SERPINA3: variants seen among roughly 807,000 people sequenced by gnomAD.
SERPINA3 encodes serpin family A member 3.
A neutral mutation model predicts 26.8 loss-of-function variants in SERPINA3; 32 were observed. The ratio of observed to expected loss-of-function variants is 1.20; its 90% CI spans 0.90 to 1.61. The LOEUF (loss-of-function observed/expected upper bound fraction) is 1.61. Among genes scored for constraint, SERPINA3 ranks in the 40% most tolerant of loss-of-function variants. SERPINA3 has a pLI of 0.00. For missense variants in SERPINA3, 632 were observed against 517.9 expected, an observed-to-expected ratio of 1.22 and a Z score of -2.14; for synonymous variants, 252 against 206.4, an observed-to-expected ratio of 1.22 and a Z score of -1.89.
At chr14:94,622,230 A>T in intron 3 of SERPINA3, 111 bp from the exon 4 acceptor site, 1 of 951,624 alleles carries the variant, frequency 1.1e-6, no homozygotes, top group South Asian at 1.3e-5. Flanking sequence ...TTATTTTCCA[A>T]TCAGAAGGGG....
chr14:94,620,400 G>A (rs370536268), intron 3 of SERPINA3, among the ~76,000 whole-genome samples: 10 of 152,308 alleles, frequency 6.6e-5, no homozygotes, highest in African/African-American at 2.2e-4. Flanking sequence ...CGGTGCAGGA[G>A]CAGAGAGAGT....
intron 4 of SERPINA3, among the ~76,000 whole-genome samples, chr14:94,622,916 C>T (rs535170516): frequency 1.3e-5 from 2 of 152,186 alleles, no homozygotes; most frequent in Non-Finnish European, 1.5e-5. Flanking sequence ...AAAATATGCT[C>T]GGAGTATGAG....
chr14:94,614,957 C>T lies in SERPINA3; in HGVS notation c.516C>T (p.Asp172=). ...GSEAFATDFQ[D]SAAAKKLIND... is the part of the protein sequence containing the mutation. Reference sequence around the variant, plus strand: ...AGGCCTTTGCCACTGACTTTCAGGACTCAGCTGCAGCTAAGAAGCTCATCA... The same window carrying T: ...AGGCCTTTGCCACTGACTTTCAGGATTCAGCTGCAGCTAAGAAGCTCATCA... The change falls in exon 2 of 5, where the codon GAC becomes GAT. Residue 172 remains aspartate (D), a synonymous_variant. Transcript: ENST00000393078. The T allele has an allele frequency of 6.2e-7, 1 of 1,613,280 alleles. No individual in the cohort carries two copies.
chr14:94,623,136 A>C (rs1330860706), intron 4 of SERPINA3, among the ~76,000 whole-genome samples: 2 of 152,132 alleles, frequency 1.3e-5, no homozygotes, highest in Admixed American at 1.3e-4. Flanking sequence ...CATGAAAAGT[A>C]CTTGAAAGCC....
chr14:94,623,473 G>A, intron 4 of SERPINA3, 138 bp from the exon 5 acceptor site: 1 of 799,456 alleles, frequency 1.3e-6, no homozygotes. Flanking sequence ...GAGTTGGGAG[G>A]AGCAAACATT....
intron 3 of SERPINA3, among the ~76,000 whole-genome samples, chr14:94,621,371 C>T (rs1004348016): frequency 2.6e-5 from 4 of 151,488 alleles, no homozygotes; most frequent in Non-Finnish European, 5.9e-5. Flanking sequence ...ACAGAGAATG[C>T]TCAATAGATA....
In SERPINA3 at chr14:94,619,491, G is replaced by T. The variant is rs768181018; in HGVS notation, c.917+23G>T. ...CAGGTGATTCTTCCTGGCCCCCAAA[G>T]ACCCCACATCTCTCCACGTCAAGGT... On this transcript the variant is annotated intron_variant, in intron 3 of 4. Coordinates refer to ENST00000393078, the MANE Select transcript of SERPINA3 (RefSeq NM_001085.5). 4 of 1,613,634 alleles carry T rather than the reference G, an allele frequency of 2.5e-6. No homozygotes were observed. The South Asian group carries it at 3.3e-5, about 13-fold the overall frequency.
intron 2 of SERPINA3, chr14:94,618,102 G>T (rs1886066814): frequency 6.6e-6 from 1 of 152,158 alleles, no homozygotes; most frequent in African/African-American, 2.4e-5. Flanking sequence ...CAAAGAATGA[G>T]TTTCATGGAA....
chr14:94,612,423 A>G lies in SERPINA3; in HGVS notation c.-33A>G, dbSNP rs1298052518. On this transcript the variant is annotated 5_prime_UTR_variant, in exon 1 of 5. Transcript: ENST00000393078. ...CAGACAGACGGCTTTGGAATCCACC[A>G]GCTACATCCAGCTCCCTGAGGCAGG... 7.3e-7 allele frequency: 1 copy of G among 1,365,674 alleles called. No individual in the cohort carries two copies. The highest frequency in any genetic ancestry group is 9.8e-7 in the Non-Finnish European group (1 of 1,021,324). 84.6% of individuals were successfully genotyped at this position (1,365,674 alleles called of 1,614,324 possible). A position where few individuals can be genotyped will look rare whatever the true frequency, so the allele number is the denominator to read the frequency against.
In SERPINA3 at chr14:94,617,118, T is replaced by C. The variant is rs1052158704; in HGVS notation, c.643+2034T>C. On this transcript the variant is annotated intron_variant, in intron 2 of 4. Transcript: ENST00000393078. ...AAGGAGCTCGGTGCCCTGGGTAATA[T>C]GGGAAGGTGCTCCATGGCACTGCCC... Among the ~76,000 whole-genome samples, 5 of 152,080 alleles carry C rather than the reference T, an allele frequency of 3.3e-5. No individual in the cohort carries two copies. The East Asian group carries it at 5.8e-4, about 18-fold the overall frequency.
At chr14:94,622,665 C>T in intron 4 of SERPINA3, 174 bp downstream of exon 4, 6 of 714,112 alleles carry the variant, frequency 8.4e-6, no homozygotes, top group Non-Finnish European at 1.5e-5. Context: ...CAGCCCAGCT[C>T]CTCCTGCCGT....
chr14:94,617,494 C>T (rs1462985231), intron 2 of SERPINA3: 2 of 152,184 alleles, frequency 1.3e-5, no homozygotes, highest in African/African-American at 4.8e-5. Flanking sequence ...AGGAAAGAAG[C>T]TCCCATTTAT....
At chr14:94,622,671 G>A (rs1194285103) in intron 4 of SERPINA3, 180 bp downstream of exon 4, 1 of 693,834 alleles carries the variant, frequency 1.4e-6, no homozygotes, top group African/African-American at 1.8e-5. Flanking sequence ...AGCTCCTCCT[G>A]CCGTGTTAGG....
intron 2 of SERPINA3, chr14:94,618,423 A>C (rs1313558264): frequency 6.6e-6 from 1 of 152,436 alleles, no homozygotes; most frequent in African/African-American, 2.4e-5. Flanking sequence ...CCTCAGAGTC[A>C]GAACACCCAC....
Position 94,614,451 on chromosome 14 carries a change from A to T in SERPINA3, c.10A>T (p.Met4Leu). MERMLPLLALGLLA... is the reference protein window; with the variant it reads MERLLPLLALGLLA... ...CTTTTCAGAGTTGAGAATGGAGAGA[A>T]TGTTACCTCTCCTGGCTCTGGGGCT... The change falls in exon 2 of 5, where the codon ATG becomes TTG. Residue 4 changes from methionine (M) to leucine (L), a missense_variant. Transcript: ENST00000393078. 1 of 1,613,798 alleles carries T rather than the reference A, an allele frequency of 6.2e-7. No individual in the cohort carries two copies. The highest frequency in any genetic ancestry group is 1.3e-5 in the African/African-American group (1 of 74,984).
chr14:94,619,634 T>C, intron 3 of SERPINA3, 166 bp downstream of exon 3: 1 of 794,410 alleles, frequency 1.3e-6, no homozygotes, highest in Non-Finnish European at 2.1e-6. Flanking sequence ...TTTTTCTTTT[T>C]CTTCTTTAAG....
chr14:94,619,610 G>T (rs757768745), intron 3 of SERPINA3, 142 bp downstream of exon 3: 8 of 996,968 alleles, frequency 8.0e-6, no homozygotes, highest in Non-Finnish European at 1.2e-5. Context: ...CTGCCTACAT[G>T]GCTTTGGGCT....
chr14:94,620,384 C>T (rs1432887259), intron 3 of SERPINA3, among the ~76,000 whole-genome samples: 1 of 152,098 alleles, frequency 6.6e-6, no homozygotes, highest in Non-Finnish European at 1.5e-5. Flanking sequence ...TACTTCAGCT[C>T]CACCACGGTG....
chr14:94,622,325 T>G lies in SERPINA3; in HGVS notation c.918-16T>G, dbSNP rs1282569628. Reference sequence around the variant, plus strand: ...ATCAGCAGAGGTTCAGATACTTTTTTTTTCTCGTTTTCTAGAGAGATAGGT... The same window carrying G: ...ATCAGCAGAGGTTCAGATACTTTTTGTTTCTCGTTTTCTAGAGAGATAGGT... On this transcript the variant is annotated splice_polypyrimidine_tract_variant and intron_variant, in intron 3 of 4. Coordinates refer to ENST00000393078, the MANE Select transcript of SERPINA3 (RefSeq NM_001085.5). The G allele has an allele frequency of 6.2e-7, 1 of 1,613,970 alleles. No homozygotes were observed. Among genetic ancestry groups the G allele is most frequent in the East Asian group, 2.2e-5 (1 of 44,866 alleles).
Sources: gnomAD v4.1 joint callset for allele counts (sites outside exome capture counted in the v4.1 genomes callset) on GRCh38, gnomAD v4.1.1 for gene constraint, MANE v1.5 for transcripts, NCBI Gene and HGNC (gene_info 2026-07-23, HGNC 2026-07-21) for gene names.